The following SEMA6C variants were observed in gnomAD, a reference collection of about 807,000 sequenced individuals.
SEMA6C encodes the protein semaphorin-6C.
Under a neutral mutation model 72.9 loss-of-function variants are expected in SEMA6C, and 37 were observed. That is an observed-to-expected ratio of 0.51 (90% CI 0.39 to 0.67). The LOEUF is 0.67. Among genes scored for constraint, SEMA6C ranks in the 30% least tolerant of loss-of-function variants. SEMA6C has a pLI of 0.00. For missense variants in SEMA6C, 1,189 were observed against 1,263.6 expected (o/e 0.94, Z 0.89); for synonymous variants, 578 against 554.1 (o/e 1.04, Z -0.61).
chr1:151,143,277 G>A (rs906150970), intron 2 of SEMA6C, among the ~76,000 whole-genome samples: 1 of 152,188 alleles, frequency 6.6e-6, no homozygotes, highest in Non-Finnish European at 1.5e-5. Context: ...CCTTCCCACC[G>A]CTAGGGAAGA....
chr1:151,137,777 C>T lies in SEMA6C; in HGVS notation c.690G>A (p.Leu230=). 1.2e-6 allele frequency: 2 copies of T among 1,613,714 alleles called. No individual in the cohort carries two copies. The highest frequency in any genetic ancestry group is 1.7e-6 in the Non-Finnish European group (2 of 1,179,710). Residue 230 remains leucine (L), a synonymous_variant, in exon 10 of 19, where the codon TTG becomes TTA. Transcript: ENST00000368914. ...AGAAGTAGACATGGTCTCCATGCTC[C>T]AAGGCCTGGACAAAGTGTGGCTCTA... The part of the protein sequence containing the change: ...WLREPHFVQA[L]EHGDHVYFFF...
chr1:151,133,214 T>C lies in SEMA6C; in HGVS notation c.2063A>G (p.Glu688Gly). 6.3e-7 allele frequency: 1 copy of C among 1,576,636 alleles called. No homozygotes were observed. The highest frequency in any genetic ancestry group is 2.3e-5 in the East Asian group (1 of 43,686). The part of the protein sequence containing the change: ...QLYTTFLPPP[E>G]GVPPPELACL... ...GGCCAGCTCCGGCGGGGGCACGCCC[T>C]CCGGAGGCGGCAGGAAGGTGGTGTA... Residue 688 changes from glutamate (E) to glycine (G), a missense_variant, in exon 19 of 19, where the codon GAG (glutamate) becomes GGG (glycine). Physicochemically the swap from Glu to Gly is moderately conservative, Grantham distance 98. Around this residue, in one of 2 missense-constraint regions of SEMA6C, gnomAD observed 721 missense variants for 686.2 expected, o/e 1.05. Transcript: ENST00000368914. The surrounding 1 kb of genome is among the most constrained non-coding windows in gnomAD (Gnocchi z 5.9).
Position 151,133,542 on chromosome 1 carries a change from G to C in SEMA6C, c.1760-25C>G, listed in dbSNP as rs778037899. 47 of 1,486,038 alleles carry C rather than the reference G, an allele frequency of 3.2e-5. No homozygotes were observed. Among genetic ancestry groups the C allele is most frequent in the Non-Finnish European group, 4.1e-5 (46 of 1,121,166 alleles). 92.1% of individuals were successfully genotyped at this position (1,486,038 alleles called of 1,614,324 possible). A position where few individuals can be genotyped will look rare whatever the true frequency, so the allele number is the denominator to read the frequency against. On this transcript the variant is annotated intron_variant, in intron 18 of 18. Coordinates refer to ENST00000368914, the MANE Select transcript of SEMA6C (RefSeq NM_030913.6). This position sits in a 1 kb window ranked among gnomAD's most constrained non-coding sequence, Gnocchi z 5.9. Reference sequence around the variant, plus strand: ...CCTGCCGACCGAGAGGGAGGAGGGAGGCTCAGCCAAGGGGAGGCGGTGCGG... The same window carrying C: ...CCTGCCGACCGAGAGGGAGGAGGGACGCTCAGCCAAGGGGAGGCGGTGCGG...
intron 2 of SEMA6C, among the ~76,000 whole-genome samples, chr1:151,143,384 G>A (rs1682716617): frequency 6.6e-6 from 1 of 152,162 alleles, no homozygotes; most frequent in Non-Finnish European, 1.5e-5. Context: ...TCTGGCTGCA[G>A]CTGTCTGCCC....
chr1:151,140,997 C>CA (rs1682497886), intron 3 of SEMA6C, among the ~76,000 whole-genome samples: 10 of 52,710 alleles, frequency 1.9e-4, no homozygotes, highest in Admixed American at 3.9e-4. Context: ...GACTCCGTCT[C>CA]GAAAAAAAAA....
At chr1:151,139,344 G>C in intron 6 of SEMA6C, 81 bp downstream of exon 6, 1 of 1,159,520 alleles carries the variant, frequency 8.6e-7, no homozygotes, top group Non-Finnish European at 1.3e-6. Context: ...AGGAAATTGG[G>C]CATAGTAGAG....
intron 10 of SEMA6C, 145 bp downstream of exon 10, chr1:151,137,566 G>T (rs1682148995): frequency 4.4e-6 from 3 of 680,876 alleles, no homozygotes; most frequent in Admixed American, 5.1e-5. Context: ...GGGTCAGAGG[G>T]CTTGGGGCTA....
At chr1:151,143,476 G>A (rs1057497032) in intron 2 of SEMA6C, among the ~76,000 whole-genome samples, 1 of 152,186 alleles carries the variant, frequency 6.6e-6, no homozygotes, top group Non-Finnish European at 1.5e-5. Flanking sequence ...TACTTGAGGG[G>A]GGAAGAGCAG....
chr1:151,137,784 T>C lies in SEMA6C; in HGVS notation c.683A>G (p.Gln228Arg). 6.2e-7 allele frequency: 1 copy of C among 1,613,392 alleles called. No homozygotes were observed. Reference sequence around the variant, plus strand: ...GACATGGTCTCCATGCTCCAAGGCCTGGACAAAGTGTGGCTCTAAGATGGG... The same window carrying C: ...GACATGGTCTCCATGCTCCAAGGCCCGGACAAAGTGTGGCTCTAAGATGGG... ...SKWLREPHFV[Q>R]ALEHGDHVYF... The change falls in exon 10 of 19, where the codon CAG (glutamine) becomes CGG (arginine). Residue 228 changes from glutamine (Q) to arginine (R), a missense_variant. Around this residue, in one of 2 missense-constraint regions of SEMA6C, gnomAD observed 468 missense variants for 577.4 expected, o/e 0.81. Transcript: ENST00000368914.
In SEMA6C at chr1:151,138,018, C is replaced by T. The variant is rs749362439; in HGVS notation, c.635G>A (p.Arg212His). 5.0e-6 allele frequency: 8 copies of T among 1,614,050 alleles called. No individual in the cohort carries two copies. Among genetic ancestry groups the T allele is most frequent in the Non-Finnish European group, 5.1e-6 (6 of 1,180,026 alleles). ...CCACTTGGAGTCATACTTGGCGGAG[C>T]GGAGTGGGGGCTGGGGCCCAAGGCT... The part of the protein sequence containing the change: ...YRSLGPQPPL[R>H]SAKYDSKWLR... Residue 212 changes from arginine to histidine, a missense_variant, in exon 9 of 19, where the codon CGC (arginine) becomes CAC (histidine). By Grantham distance (29) the Arg-to-His change is conservative. Around this residue, in one of 2 missense-constraint regions of SEMA6C, gnomAD observed 468 missense variants for 577.4 expected, o/e 0.81. Transcript: ENST00000368914.
At position 151,138,117 on chromosome 1, in the gene SEMA6C, G is replaced by T. The variant is rs753068731; in HGVS notation, c.548-12C>A. On this transcript the variant is annotated splice_polypyrimidine_tract_variant and intron_variant, in intron 8 of 18. Transcript: ENST00000368914. ...GTACAGGCTGCCCTCTGGAGGGATG[G>T]GTGGAGTGGGGTCAGGGGAGGGCTC... 1 of 1,613,314 alleles carries T rather than the reference G, an allele frequency of 6.2e-7. No individual in the cohort carries two copies. The highest frequency in any genetic ancestry group is 8.5e-7 in the Non-Finnish European group (1 of 1,179,682).
intron 14 of SEMA6C, 65 bp downstream of exon 14, chr1:151,135,526 A>G: frequency 1.3e-6 from 2 of 1,546,754 alleles, no homozygotes; most frequent in Non-Finnish European, 8.7e-7. Context: ...CTATTCCCGA[A>G]TCTGCAGCTG....
At position 151,135,496 on chromosome 1, in the gene SEMA6C, C is replaced by A. The variant is rs1252190992; in HGVS notation, c.1433+95G>T. 3 of 1,494,100 alleles carry A rather than the reference C, an allele frequency of 2.0e-6. No homozygotes were observed. In the African/African-American group the frequency reaches 4.2e-5, roughly 21 times the overall value. 92.6% of individuals were successfully genotyped at this position (1,494,100 alleles called of 1,614,324 possible). On this transcript the variant is annotated intron_variant, in intron 14 of 18. Coordinates refer to ENST00000368914, the MANE Select transcript of SEMA6C (RefSeq NM_030913.6). Reference sequence around the variant, plus strand: ...GCCCAGAGCTCCCACCCTGCAAAAGCCAATGTTGATGTTTCCAACCTATTC... The same window carrying A: ...GCCCAGAGCTCCCACCCTGCAAAAGACAATGTTGATGTTTCCAACCTATTC...
intron 3 of SEMA6C, among the ~76,000 whole-genome samples, chr1:151,140,907 A>G (rs879754587): frequency 2.8e-4 from 43 of 152,024 alleles, no homozygotes; most frequent in Non-Finnish European, 5.7e-4. Flanking sequence ...CTGAGGCAGG[A>G]GAATGGCGTG....
chr1:151,134,718 C>G (rs587690700), intron 16 of SEMA6C, 43 bp from the exon 17 acceptor site: 411 of 1,612,386 alleles, frequency 2.5e-4, no homozygotes, highest in Middle Eastern at 1.2e-3. Flanking sequence ...GTACGTTGTC[C>G]GTATCTCCCA....
intron 18 of SEMA6C, 81 bp downstream of exon 18, chr1:151,134,320 C>T: frequency 7.5e-7 from 1 of 1,337,182 alleles, no homozygotes; most frequent in African/African-American, 1.5e-5. Flanking sequence ...ATTCAGAATG[C>T]TGCTCTGCTG....
rs921043222 is a variant in SEMA6C at position 151,132,551 on chromosome 1, AG to A, written c.2725del (p.Leu909Ter). ...GGAGGGCCCGACGAGGGGAGGCTTC[AG>A]GGACAACTGGGGCTTCTCGACGTCC... ...RVDVEKPQLS[L>X]KPPLVGPSSR... is the part of the protein sequence containing the mutation. On this transcript the variant is annotated frameshift_variant, in exon 19 of 19. Transcript: ENST00000368914. LOFTEE classifies it low-confidence loss of function (END_TRUNC). 3.3e-5 allele frequency: 51 copies of A among 1,551,016 alleles called. No homozygotes were observed. Among genetic ancestry groups the A allele is most frequent in the African/African-American group, 5.5e-5 (4 of 73,074 alleles).
intron 14 of SEMA6C, 31 bp from the exon 15 acceptor site, chr1:151,135,340 G>C (rs1429939844): frequency 6.3e-7 from 1 of 1,598,120 alleles, no homozygotes; most frequent in African/African-American, 1.3e-5. Context: ...ACCAGAGATG[G>C]ACAGATGAGG....
intron 10 of SEMA6C, 124 bp from the exon 11 acceptor site, chr1:151,137,198 C>G: frequency 3.9e-6 from 3 of 764,304 alleles, no homozygotes; most frequent in Non-Finnish European, 6.5e-6. Context: ...GTAATCCCAA[C>G]ACTTTGGGAG....
Sources: allele counts gnomAD v4.1 joint callset (sites outside exome capture counted in the v4.1 genomes callset), GRCh38; gene constraint gnomAD v4.1.1; regional missense constraint gnomAD v4.1.1; non-coding constraint Gnocchi (gnomAD v3.1); transcripts MANE v1.5; gene names NCBI Gene and HGNC (gene_info 2026-07-23, HGNC 2026-07-21).